The following DENND1A variants were observed in gnomAD, a reference collection of about 807,000 sequenced individuals.
DENND1A encodes DENN domain containing 1A, also known as DENN domain-containing protein 1A.
DENND1A carries 51 observed loss-of-function variants against 113.7 expected under a neutral mutation model. The ratio of observed to expected loss-of-function variants is 0.45; its 90% confidence interval spans 0.36 to 0.57. The LOEUF is 0.57. Among genes scored for constraint, DENND1A ranks in the 20% least tolerant of loss-of-function variants. The probability of loss-of-function intolerance (pLI) is 0.00; values close to 1 mark genes in which losing one functional copy is unlikely to be tolerated. For synonymous variants in DENND1A, 565 were observed against 570.8 expected (o/e 0.99, Z 0.14); for missense variants, 1,258 against 1,395.9 (o/e 0.90, Z 1.57).
chr9:123,544,964 G>A (rs920071882), intron 13 of DENND1A, among the ~76,000 whole-genome samples: 3 of 151,998 alleles, frequency 2.0e-5, no homozygotes, highest in Non-Finnish European at 4.4e-5. Context: ...CGGTCGTGGT[G>A]GCGGGCGCCT....
chr9:123,729,642 C>T (rs2068009510), intron 5 of DENND1A, among the ~76,000 whole-genome samples: 1 of 152,192 alleles, frequency 6.6e-6, no homozygotes, highest in African/African-American at 2.4e-5. Flanking sequence ...ATTCCATCCT[C>T]ATGGATAGAA....
chr9:123,654,748 C>T (rs2062841523), intron 8 of DENND1A, among the ~76,000 whole-genome samples: 1 of 152,220 alleles, frequency 6.6e-6, no homozygotes. Flanking sequence ...TGTGTCTAAA[C>T]AGAAGCTGTC....
At chr9:123,552,224 C>T (rs979924296) in intron 13 of DENND1A, among the ~76,000 whole-genome samples, 2 of 152,150 alleles carry the variant, frequency 1.3e-5, no homozygotes, top group Non-Finnish European at 2.9e-5. Flanking sequence ...TGTCCCCCAA[C>T]GGGCTCCAGA....
intron 1 of DENND1A, among the ~76,000 whole-genome samples, chr9:123,928,253 T>C (rs1397856848): frequency 1.3e-5 from 2 of 152,250 alleles, no homozygotes; most frequent in Non-Finnish European, 2.9e-5. Flanking sequence ...AACTTTTACT[T>C]GCTGGATTTT....
intron 18 of DENND1A, among the ~76,000 whole-genome samples, chr9:123,447,328 G>A (rs2047378623): frequency 1.3e-5 from 2 of 152,158 alleles, no homozygotes; most frequent in South Asian, 4.1e-4. Flanking sequence ...AAGCAGAGCA[G>A]GTATGGAATA....
chr9:123,620,613 A>G (rs139774554), intron 10 of DENND1A, among the ~76,000 whole-genome samples: 1 of 152,330 alleles, frequency 6.6e-6, no homozygotes, highest in East Asian at 1.9e-4. Flanking sequence ...GGTCAAGTTT[A>G]GCCAAATCTC....
At chr9:123,874,331 T>A (rs1011017739) in intron 2 of DENND1A, among the ~76,000 whole-genome samples, 1 of 151,684 alleles carries the variant, frequency 6.6e-6, no homozygotes, top group Non-Finnish European at 1.5e-5. Context: ...CCATAGAAGA[T>A]ATCTATAACA....
At chr9:123,744,996 G>A (rs937024509) in intron 5 of DENND1A, among the ~76,000 whole-genome samples, 2 of 151,886 alleles carry the variant, frequency 1.3e-5, no homozygotes, top group Admixed American at 6.6e-5. Flanking sequence ...GGCTGGTCTC[G>A]AATTCCCGAC....
chr9:123,780,150 A>G (rs1334095593), intron 3 of DENND1A, among the ~76,000 whole-genome samples: 1 of 152,146 alleles, frequency 6.6e-6, no homozygotes, highest in East Asian at 1.9e-4. Flanking sequence ...CACCATGCCC[A>G]GTCTTGCACA....
At chr9:123,435,345 G>A (rs2046439502) in intron 19 of DENND1A, among the ~76,000 whole-genome samples, 1 of 152,150 alleles carries the variant, frequency 6.6e-6, no homozygotes, top group South Asian at 2.1e-4. Context: ...CCTGATGCCA[G>A]AATTCTCCAT....
At chr9:123,389,123 GGTGA>G (rs1251516289) in intron 21 of DENND1A, among the ~76,000 whole-genome samples, 34 of 152,392 alleles carry the variant, frequency 2.2e-4, no homozygotes, top group African/African-American at 7.9e-4. Context: ...ACAGCTGGAG[GGTGA>G]GTGAGAGACA....
chr9:123,462,352 C>G (rs1254187267), intron 13 of DENND1A, among the ~76,000 whole-genome samples: 1 of 152,242 alleles, frequency 6.6e-6, no homozygotes, highest in African/African-American at 2.4e-5. Flanking sequence ...TGACAGGATT[C>G]AGACATTGCA....
At chr9:123,588,633 A>AAGGGG (rs1554894950) in intron 11 of DENND1A, among the ~76,000 whole-genome samples, 3 of 86,446 alleles carry the variant, frequency 3.5e-5, no homozygotes, top group Non-Finnish European at 4.6e-5. Context: ...AAAAAAAAAA[A>AAGGGG]GGGGGGGGGG....
intron 4 of DENND1A, among the ~76,000 whole-genome samples, chr9:123,768,700 A>T (rs961120402): frequency 6.6e-6 from 1 of 152,092 alleles, no homozygotes; most frequent in Non-Finnish European, 1.5e-5. Context: ...TGAATGTAAA[A>T]AACTAATGAT....
chr9:123,418,395 A>C (rs985338458), intron 19 of DENND1A, among the ~76,000 whole-genome samples: 10 of 152,334 alleles, frequency 6.6e-5, no homozygotes, highest in African/African-American at 2.4e-4. Context: ...ATTGGATATG[A>C]AACCGGCATT....
Position 123,639,438 on chromosome 9 carries a change from C to T in DENND1A, c.619-8962G>A, listed in dbSNP as rs116399136. 2.5e-3 allele frequency among the ~76,000 whole-genome samples: 360 copies of T among 142,100 alleles called. 3 individuals carry two copies. The highest frequency in any genetic ancestry group is 9.4e-3 in the African/African-American group (348 of 37,128). The allele number at this position is 142,100 out of a possible 152,430, so 93.2% of individuals were successfully genotyped here. On this transcript the variant is annotated intron_variant, in intron 9 of 23. Transcript: ENST00000394215. ...TGGGCAACAGAATGAGCCTCCGTATCCCCCCAACCCCCTACCAAAAAAAAA... is the reference window on the plus strand; with the variant it reads ...TGGGCAACAGAATGAGCCTCCGTATTCCCCCAACCCCCTACCAAAAAAAAA...
At chr9:123,843,142 T>C in intron 2 of DENND1A, 1 of 552,562 alleles carries the variant, frequency 1.8e-6, no homozygotes, top group African/African-American at 1.9e-5. Flanking sequence ...AACTTCTCAA[T>C]ATTGTAAACA....
chr9:123,925,721 G>A (rs1415842220), intron 1 of DENND1A, among the ~76,000 whole-genome samples: 2 of 152,146 alleles, frequency 1.3e-5, no homozygotes, highest in African/African-American at 4.8e-5. Flanking sequence ...TGAATAAATG[G>A]ATAAATTTCT....
intron 5 of DENND1A, among the ~76,000 whole-genome samples, chr9:123,681,014 G>A (rs2064413323): frequency 6.6e-6 from 1 of 152,122 alleles, no homozygotes; most frequent in Admixed American, 6.5e-5. Flanking sequence ...GGGAGGAGAA[G>A]GGTGTCCCAC....
Sources: allele counts gnomAD v4.1 joint callset (sites outside exome capture counted in the v4.1 genomes callset), GRCh38; gene constraint gnomAD v4.1.1; transcripts MANE v1.5; gene names NCBI Gene and HGNC (gene_info 2026-07-23, HGNC 2026-07-21).